CNGA1: variants seen among roughly 807,000 people sequenced by gnomAD.
The protein encoded by CNGA1 is cyclic nucleotide-gated channel alpha-1.
Under a neutral mutation model 69.7 loss-of-function variants are expected in CNGA1, and 53 were observed. That is an observed-to-expected ratio of 0.76 (90% CI 0.61 to 0.96). The LOEUF is 0.96. CNGA1 is among the 40% of genes least tolerant of loss of function. The pLI, the probability that CNGA1 is intolerant of heterozygous loss-of-function variation, is 0.00. For synonymous variants in CNGA1, 249 were observed against 283.5 expected (o/e 0.88, Z 1.22); for missense variants, 739 against 811.2 (o/e 0.91, Z 1.08).
intron 2 of CNGA1, among the ~76,000 whole-genome samples, chr4:48,005,235 G>A (rs572589561): frequency 7.1e-4 from 108 of 151,726 alleles, no homozygotes; most frequent in African/African-American, 2.5e-3. Context: ...ATCCTGCCTC[G>A]GCCTCCTGAG....
At chr4:47,956,145 T>C (rs1740073391) in intron 3 of CNGA1, among the ~76,000 whole-genome samples, 1 of 152,204 alleles carries the variant, frequency 6.6e-6, no homozygotes, top group African/African-American at 2.4e-5. Flanking sequence ...GTTTAGTCAA[T>C]TAAATGCATT....
intron 2 of CNGA1, among the ~76,000 whole-genome samples, chr4:48,002,741 G>A (rs1254506305): frequency 6.6e-6 from 1 of 151,426 alleles, no homozygotes; most frequent in Non-Finnish European, 1.5e-5. Context: ...AAAGGCCAGT[G>A]TTAGGTTCTA....
At chr4:47,980,580 T>C (rs1302576069) in intron 3 of CNGA1, among the ~76,000 whole-genome samples, 3 of 150,844 alleles carry the variant, frequency 2.0e-5, no homozygotes, top group African/African-American at 2.4e-5. Context: ...GCTCAAGTGA[T>C]CCTCCCACCT....
chr4:47,969,481 T>C (rs138962645), intron 3 of CNGA1, among the ~76,000 whole-genome samples: 34 of 151,980 alleles, frequency 2.2e-4, no homozygotes, highest in Admixed American at 2.0e-4. Context: ...CGTTTTTTTG[T>C]TTTTTTTAGA....
intron 3 of CNGA1, among the ~76,000 whole-genome samples, chr4:47,955,166 T>A (rs1211095151): frequency 5.4e-5 from 7 of 128,598 alleles, no homozygotes; most frequent in Non-Finnish European, 9.5e-5. Flanking sequence ...TGTCTCTTTT[T>A]TCTTTTCTTT....
intron 2 of CNGA1, among the ~76,000 whole-genome samples, chr4:47,997,727 C>A (rs887688559): frequency 1.3e-5 from 2 of 151,974 alleles, no homozygotes; most frequent in African/African-American, 2.4e-5. Context: ...TTTATAAATT[C>A]CTACTTGTAC....
intron 3 of CNGA1, among the ~76,000 whole-genome samples, chr4:47,956,819 T>C (rs2110169673): frequency 6.6e-6 from 1 of 152,346 alleles, no homozygotes; most frequent in African/African-American, 2.4e-5. Flanking sequence ...GTTGCTATTG[T>C]TGTTGTTTGA....
chr4:47,984,004 T>C lies in CNGA1; in HGVS notation c.-122-2504A>G, dbSNP rs547368554. ...AGACAAACTTATTTTAAAAATTGGG[T>C]TTTTTAAATCTGAAATTCAAATTTA... On this transcript the variant is annotated intron_variant, in intron 2 of 10. Transcript: ENST00000514170. 7.9e-5 allele frequency among the ~76,000 whole-genome samples: 12 copies of C among 152,286 alleles called. 1 individual carries two copies. The South Asian group carries it at 2.3e-3, about 29-fold the overall frequency.
At chr4:47,950,752 C>A (rs553888223) in intron 5 of CNGA1, among the ~76,000 whole-genome samples, 1 of 152,352 alleles carries the variant, frequency 6.6e-6, no homozygotes, top group African/African-American at 2.4e-5. Context: ...CTTCTGCAAT[C>A]TCAAGTCCGG....
intron 2 of CNGA1, among the ~76,000 whole-genome samples, chr4:47,986,656 C>A (rs555271004): frequency 6.6e-6 from 1 of 151,962 alleles, no homozygotes; most frequent in Non-Finnish European, 1.5e-5. Flanking sequence ...TGAGTATCTA[C>A]GGTGTGCTGG....
chr4:47,938,229 G>A (rs1012262923), intron 10 of CNGA1, among the ~76,000 whole-genome samples: 8 of 151,802 alleles, frequency 5.3e-5, no homozygotes, highest in Non-Finnish European at 1.2e-4. Flanking sequence ...GTGCAAAAGT[G>A]AGAGTGTACA....
chr4:47,975,935 T>C (rs1467820593), intron 3 of CNGA1, among the ~76,000 whole-genome samples: 2 of 151,580 alleles, frequency 1.3e-5, no homozygotes, highest in African/African-American at 2.4e-5. Context: ...TTATTAAATA[T>C]TGATGAACTG....
intron 3 of CNGA1, among the ~76,000 whole-genome samples, chr4:47,969,762 G>A (rs1192488213): frequency 1.3e-5 from 2 of 151,800 alleles, no homozygotes; most frequent in Non-Finnish European, 2.9e-5. Context: ...AAGCCACCAC[G>A]CCCCGCCAAA....
intron 10 of CNGA1, among the ~76,000 whole-genome samples, chr4:47,939,021 A>AAAGAGAAAG (rs1560618898): frequency 1.0e-4 from 15 of 147,812 alleles, no homozygotes; most frequent in African/African-American, 3.7e-4. Flanking sequence ...GAGAAAGAAG[A>AAAGAGAAAG]AAGAAAGAAA....
chr4:48,010,613 G>A (rs1715111155), intron 2 of CNGA1, among the ~76,000 whole-genome samples, 181 bp downstream of exon 2: 1 of 152,178 alleles, frequency 6.6e-6, no homozygotes, highest in African/African-American at 2.4e-5. Context: ...AGGCCATGTG[G>A]TGAGTGTTAT....
At chr4:48,000,740 GC>G (rs138217617) in intron 2 of CNGA1, among the ~76,000 whole-genome samples, 121,997 of 150,404 alleles carry the variant, frequency 0.81, 50,035 homozygotes, top group Non-Finnish European at 0.88. Flanking sequence ...AGTGGGGGAA[GC>G]GGGGGGGTGG....
At chr4:47,967,754 G>A (rs918708394) in intron 3 of CNGA1, among the ~76,000 whole-genome samples, 3 of 152,072 alleles carry the variant, frequency 2.0e-5, no homozygotes, top group East Asian at 1.9e-4. Flanking sequence ...CGAGGTGGGC[G>A]GATCACAAGG....
At position 47,965,957 on chromosome 4, in the gene CNGA1, T is replaced by C. The variant is rs147696278; in HGVS notation, c.-14-13254A>G. ...ATATTCTTTTAGGGACTTCGTTGCT[T>C]TACTGGTTTTCCCATGCATGAGTCT... is the stretch of plus-strand genomic sequence containing the variant. On this transcript the variant is annotated intron_variant, in intron 3 of 10. Coordinates refer to ENST00000514170, the MANE Select transcript of CNGA1 (RefSeq NM_001379270.1). Among the ~76,000 whole-genome samples the C allele has an allele frequency of 2.6e-3, 402 of 152,346 alleles. 2 individuals are homozygous for C. The highest frequency in any genetic ancestry group is 9.0e-3 in the African/African-American group (373 of 41,584).
rs755667478 is a variant in CNGA1, at chr4:47,937,097, G to A, written c.1385C>T (p.Ala462Val). ...YLPDKLRAEIAINVHLDTLKK... is the reference protein window; with the variant it reads ...YLPDKLRAEIVINVHLDTLKK... The stretch of plus-strand genomic sequence containing the variant: ...TAATGTGTCTAAGTGAACGTTGATG[G>A]CAATTTCTGCTCTTAGTTTATCAGG... Residue 462 changes from alanine to valine, a missense_variant, in exon 11 of 11, where the codon GCC (alanine) becomes GTC (valine). By Grantham distance (64) the Ala-to-Val change is moderately conservative. Coordinates refer to ENST00000514170, the MANE Select transcript of CNGA1 (RefSeq NM_001379270.1). The A allele has an allele frequency of 3.7e-6, 6 of 1,614,092 alleles. No individual in the cohort carries two copies. The highest frequency in any genetic ancestry group is 5.1e-6 in the Non-Finnish European group (6 of 1,180,024).
Sources: gnomAD v4.1 joint callset for allele counts (sites outside exome capture counted in the v4.1 genomes callset) on GRCh38, gnomAD v4.1.1 for gene constraint, MANE v1.5 for transcripts, NCBI Gene and HGNC (gene_info 2026-07-23, HGNC 2026-07-21) for gene names.